Variants in GALNT18 observed in about 807,000 individuals in gnomAD.
GALNT18 encodes the protein GalNAc-transferase 18.
Under a neutral mutation model 69.5 loss-of-function variants are expected in GALNT18, and 44 were observed. The ratio of observed to expected loss-of-function variants is 0.63; its 90% CI spans 0.50 to 0.81. The LOEUF (loss-of-function observed/expected upper bound fraction) is 0.81. Among genes scored for constraint, GALNT18 ranks in the 40% least tolerant of loss-of-function variants. The probability of loss-of-function intolerance (pLI) is 0.00; values close to 1 mark genes in which losing one functional copy is unlikely to be tolerated. For missense variants in GALNT18, 715 were observed against 810.0 expected, an observed-to-expected ratio of 0.88 and a Z score of 1.42; for synonymous variants, 364 against 318.2, an observed-to-expected ratio of 1.14 and a Z score of -1.53.
Position 11,271,009 on chromosome 11 carries a change from A to G in GALNT18, c.*135T>C. The G allele has an allele frequency of 1.5e-6, 1 of 647,842 alleles. No individual in the cohort carries two copies. Among genetic ancestry groups the G allele is most frequent in the East Asian group, 2.7e-5 (1 of 36,760 alleles). The allele number at this position is 647,842 out of a possible 1,614,324, so 40.1% of individuals were successfully genotyped here. A position where few individuals can be genotyped will look rare whatever the true frequency, so the allele number is the denominator to read the frequency against. On this transcript the variant is annotated 3_prime_UTR_variant, in exon 11 of 11. Coordinates refer to ENST00000227756, the MANE Select transcript of GALNT18 (RefSeq NM_198516.3). The stretch of plus-strand genomic sequence containing the variant: ...TCTATAAACTCCATGAAAATTGAAT[A>G]GGAAATAAAAAGCTCTTCTTGGGGG...
intron 1 of GALNT18, among the ~76,000 whole-genome samples, chr11:11,533,414 C>A (rs912731982): frequency 6.6e-6 from 1 of 152,192 alleles, no homozygotes; most frequent in African/African-American, 2.4e-5. Flanking sequence ...GCCATACCTA[C>A]TGATGCTAAC....
intron 6 of GALNT18, among the ~76,000 whole-genome samples, chr11:11,370,853 C>A (rs908620389): frequency 6.6e-6 from 1 of 152,196 alleles, no homozygotes; most frequent in African/African-American, 2.4e-5. Flanking sequence ...CGAATGGAGG[C>A]GGTCCAACCC....
At chr11:11,344,130 G>A (rs1469402092) in intron 6 of GALNT18, among the ~76,000 whole-genome samples, 1 of 152,116 alleles carries the variant, frequency 6.6e-6, no homozygotes, top group African/African-American at 2.4e-5. Context: ...CCATGCCCCT[G>A]GCACAGCCCC....
At chr11:11,357,648 C>T (rs1330829519) in intron 6 of GALNT18, among the ~76,000 whole-genome samples, 1 of 152,202 alleles carries the variant, frequency 6.6e-6, no homozygotes, top group Non-Finnish European at 1.5e-5. Context: ...GGCTCCTCCA[C>T]TTTTTCTCTT....
intron 9 of GALNT18, among the ~76,000 whole-genome samples, chr11:11,321,433 A>G (rs1849837377): frequency 6.6e-6 from 1 of 152,224 alleles, no homozygotes; most frequent in Admixed American, 6.5e-5. Context: ...TCAATAAAAT[A>G]GTAAAACAAA....
At chr11:11,316,281 A>T (rs532685979) in intron 9 of GALNT18, among the ~76,000 whole-genome samples, 5 of 152,340 alleles carry the variant, frequency 3.3e-5, no homozygotes, top group Admixed American at 3.3e-4. Context: ...ATTTATAGAC[A>T]AAAATCATAG....
At chr11:11,503,308 G>C (rs1266566453) in intron 1 of GALNT18, among the ~76,000 whole-genome samples, 1 of 152,178 alleles carries the variant, frequency 6.6e-6, no homozygotes, top group Non-Finnish European at 1.5e-5. Flanking sequence ...CTCTGAGCCT[G>C]TTTCCTCAGG....
At chr11:11,609,385 C>T (rs1312501128) in intron 1 of GALNT18, among the ~76,000 whole-genome samples, 11 of 152,226 alleles carry the variant, frequency 7.2e-5, no homozygotes, top group Admixed American at 2.0e-4. Context: ...CTGTTCCCTC[C>T]GCCTGGCACT....
Position 11,341,065 on chromosome 11 carries a change from C to T in GALNT18, c.1093-61G>A, listed in dbSNP as rs951774360. On this transcript the variant is annotated intron_variant, in intron 6 of 10. Transcript: ENST00000227756. This position sits in a 1 kb window ranked among gnomAD's most constrained non-coding sequence, Gnocchi z 6.3. ...CTGGCTCTGCCTTTCTACACCAGGC[C>T]TCAGGCAGCCACTTGACATGAGCAG... 1 of 1,483,522 alleles carries T rather than the reference C, an allele frequency of 6.7e-7. No homozygotes were observed. Among genetic ancestry groups the T allele is most frequent in the Admixed American group, 2.1e-5 (1 of 47,410 alleles). 91.9% of individuals were successfully genotyped at this position (1,483,522 alleles called of 1,614,324 possible). A position where few individuals can be genotyped will look rare whatever the true frequency, so the allele number is the denominator to read the frequency against.
At chr11:11,449,006 C>A (rs1037061501) in intron 1 of GALNT18, 70 bp from the exon 2 acceptor site, 2 of 1,269,514 alleles carry the variant, frequency 1.6e-6, no homozygotes, top group African/African-American at 1.5e-5. Flanking sequence ...AATCCCTTTC[C>A]CTTCCTCACA....
intron 1 of GALNT18, among the ~76,000 whole-genome samples, chr11:11,525,674 G>C (rs1424403061): frequency 1.0e-5 from 1 of 97,560 alleles, no homozygotes; most frequent in South Asian, 3.4e-4. Context: ...CGCTTTTGTT[G>C]CCCAGGCTGA....
At position 11,494,272 on chromosome 11, in the gene GALNT18, T is replaced by C. The variant is rs567478906; in HGVS notation, c.236-45336A>G. 6.6e-5 allele frequency among the ~76,000 whole-genome samples: 10 copies of C among 152,252 alleles called. No individual in the cohort carries two copies. The South Asian group carries it at 2.1e-3, about 32-fold the overall frequency. On this transcript the variant is annotated intron_variant, in intron 1 of 10. Coordinates refer to ENST00000227756, the MANE Select transcript of GALNT18 (RefSeq NM_198516.3). The surrounding 1 kb of genome is among the most constrained non-coding windows in gnomAD (Gnocchi z 5.7). Reference sequence around the variant, plus strand: ...AAACAAGCACTGCCAAGCAGCAGCATAAACAAGCCAGACACTAGAGCCTAA... The same window carrying C: ...AAACAAGCACTGCCAAGCAGCAGCACAAACAAGCCAGACACTAGAGCCTAA...
Position 11,448,800 on chromosome 11 carries a change from G to C in GALNT18, c.372C>G (p.Ala124=), listed in dbSNP as rs533953611. ...CCAGGGGCAGGCGGTCGCTGAGGTA[G>C]GCGTTGTAGCCGTAGTACTGGAATT... ...LKQFQYYGYN[A]YLSDRLPLDR... The change falls in exon 2 of 11, where the codon GCC becomes GCG. Residue 124 remains alanine, a synonymous_variant. Coordinates refer to ENST00000227756, the MANE Select transcript of GALNT18 (RefSeq NM_198516.3). The C allele has an allele frequency of 6.2e-7, 1 of 1,613,016 alleles. No individual in the cohort carries two copies. The highest frequency in any genetic ancestry group is 2.2e-5 in the East Asian group (1 of 44,878).
Position 11,432,867 on chromosome 11 carries a change from C to G in GALNT18, c.429-80G>C. ...AGCTGACCCAGCCCATGTCCTGGCTCCAGCTTTGCTGGAGGGCTCGGGAGT... is the reference window on the plus strand; with the variant it reads ...AGCTGACCCAGCCCATGTCCTGGCTGCAGCTTTGCTGGAGGGCTCGGGAGT... On this transcript the variant is annotated intron_variant, in intron 2 of 10. Coordinates refer to ENST00000227756, the MANE Select transcript of GALNT18 (RefSeq NM_198516.3). This position sits in a 1 kb window ranked among gnomAD's most constrained non-coding sequence, Gnocchi z 5.8. 1 of 1,463,026 alleles carries G rather than the reference C, an allele frequency of 6.8e-7. No homozygotes were observed. The highest frequency in any genetic ancestry group is 9.3e-7 in the Non-Finnish European group (1 of 1,072,652). The allele number at this position is 1,463,026 out of a possible 1,614,324, so 90.6% of individuals were successfully genotyped here.
chr11:11,417,535 G>A (rs1291104915), intron 3 of GALNT18, among the ~76,000 whole-genome samples: 2 of 152,180 alleles, frequency 1.3e-5, no homozygotes, highest in East Asian at 3.9e-4. Flanking sequence ...AGCCCACCAA[G>A]CATAAAAGTG....
intron 10 of GALNT18, among the ~76,000 whole-genome samples, chr11:11,279,120 C>G (rs1201271719): frequency 1.3e-5 from 2 of 152,142 alleles, no homozygotes; most frequent in Non-Finnish European, 2.9e-5. Context: ...TACACGAGAG[C>G]TGGTCATTTA....
In GALNT18 at chr11:11,601,178, C is replaced by T. The variant is rs2133945726; in HGVS notation, c.235+20181G>A. On this transcript the variant is annotated intron_variant, in intron 1 of 10. Transcript: ENST00000227756. This position sits in a 1 kb window ranked among gnomAD's most constrained non-coding sequence, Gnocchi z 4.0. ...ATTTCTATGATCTGCTTTGATGTCT[C>T]TTAAATTTCTGTTGAAAACCAGACA... Among the ~76,000 whole-genome samples the T allele has an allele frequency of 6.6e-6, 1 of 152,324 alleles. No homozygotes were observed. The highest frequency in any genetic ancestry group is 3.4e-3 in the Middle Eastern group (1 of 294).
intron 1 of GALNT18, among the ~76,000 whole-genome samples, chr11:11,593,700 A>G (rs147183590): frequency 2.2e-4 from 33 of 152,350 alleles, no homozygotes; most frequent in African/African-American, 7.9e-4. Flanking sequence ...AGGCAGAGGC[A>G]GGAGAATGGC....
chr11:11,294,973 T>C (rs1010310959), intron 9 of GALNT18, among the ~76,000 whole-genome samples: 2 of 152,248 alleles, frequency 1.3e-5, no homozygotes, highest in African/African-American at 4.8e-5. Context: ...TATCTTGACA[T>C]GTTCAAAAAT....
Sources: allele counts gnomAD v4.1 joint callset (sites outside exome capture counted in the v4.1 genomes callset), GRCh38; gene constraint gnomAD v4.1.1; non-coding constraint Gnocchi (gnomAD v3.1); transcripts MANE v1.5; gene names NCBI Gene and HGNC (gene_info 2026-07-23, HGNC 2026-07-21).